Variants in CKLF observed in about 807,000 individuals in gnomAD.
The protein encoded by CKLF is chemokine-like factor.
Under a neutral mutation model 12.9 loss-of-function variants are expected in CKLF, and 16 were observed. The observed-to-expected ratio is 1.24, with a 90% CI of 0.84 to 1.88. CKLF has a LOEUF of 1.88. CKLF is among the 40% of genes most tolerant of loss of function. The pLI is 0.00. For synonymous variants in CKLF, 61 were observed against 69.0 expected, an observed-to-expected ratio of 0.88 and a Z score of 0.57; for missense variants, 172 against 188.5, an observed-to-expected ratio of 0.91 and a Z score of 0.51.
rs1299840271 is a variant in CKLF, at chr16:66,563,109, T to A, written c.238-13T>A. 1 of 1,613,886 alleles carries A rather than the reference T, an allele frequency of 6.2e-7. No individual in the cohort carries two copies. Among genetic ancestry groups the A allele is most frequent in the Non-Finnish European group, 8.5e-7 (1 of 1,179,946 alleles). ...GTCTTCATGTAAGGCTCAGCTTTAT[T>A]GTGTGTTTTTAGGATATTATCAACT... On this transcript the variant is annotated splice_polypyrimidine_tract_variant and intron_variant, in intron 2 of 3. Transcript: ENST00000264001.
chr16:66,557,632 T>C (rs377120702), intron 1 of CKLF, among the ~76,000 whole-genome samples: 9 of 152,194 alleles, frequency 5.9e-5, no homozygotes, highest in East Asian at 1.9e-4. Context: ...ATAACAACAG[T>C]AGAAAACAGA....
At chr16:66,563,333 C>CCTAGG in intron 3 of CKLF, 116 bp downstream of exon 3, 1 of 1,178,310 alleles carries the variant, frequency 8.5e-7, no homozygotes, top group Non-Finnish European at 1.2e-6. Context: ...ATTCCTAGGC[C>CCTAGG]AATATACAAT....
Position 66,558,195 on chromosome 16 carries a change from AACTGT to A in CKLF, c.85_89del (p.Thr29AspfsTer13), listed in dbSNP as rs2011522625. 1 of 1,610,698 alleles carries A rather than the reference AACTGT, an allele frequency of 6.2e-7. No individual in the cohort carries two copies. The highest frequency in any genetic ancestry group is 8.5e-7 in the Non-Finnish European group (1 of 1,179,386). On this transcript the variant is annotated frameshift_variant, in exon 2 of 4. Coordinates refer to ENST00000264001, the MANE Select transcript of CKLF (RefSeq NM_016951.4). LOFTEE classifies it high-confidence loss of function. Reference sequence around the variant, plus strand: ...CGTGGGTTTTTTTCTTCTAGGCACTAACTGTGACATCTATGACCTTTTTTATCATC... The same window carrying A: ...CGTGGGTTTTTTTCTTCTAGGCACTAGACATCTATGACCTTTTTTATCATC...
chr16:66,558,090 G>A (rs1567549645), intron 1 of CKLF, 100 bp from the exon 2 acceptor site: 1 of 1,537,508 alleles, frequency 6.5e-7, no homozygotes, highest in South Asian at 1.2e-5. Flanking sequence ...TTATAGGCAT[G>A]ACCCACTGTG....
At chr16:66,560,070 A>T (rs1829702690) in intron 2 of CKLF, among the ~76,000 whole-genome samples, 1 of 152,176 alleles carries the variant, frequency 6.6e-6, no homozygotes, top group African/African-American at 2.4e-5. Context: ...GGACCAAGTC[A>T]CAGTAGGCTG....
chr16:66,558,796 TA>T (rs1205722513), intron 2 of CKLF, among the ~76,000 whole-genome samples: 1 of 152,188 alleles, frequency 6.6e-6, no homozygotes, highest in Admixed American at 6.5e-5. Context: ...TTGGGGAGGC[TA>T]AAGTACAATG....
Position 66,554,143 on chromosome 16 carries a change from A to G in CKLF, c.78+1350A>G, listed in dbSNP as rs551269389. Among the ~76,000 whole-genome samples, 6 of 152,340 alleles carry G rather than the reference A, an allele frequency of 3.9e-5. No individual in the cohort carries two copies. In the South Asian group the frequency reaches 1.2e-3, roughly 32 times the overall value. ...AATTCTCTCAACAAACCATTTGAAT[A>G]CTTAATATGGTCCAAACTCTGGGCT... is the stretch of plus-strand genomic sequence containing the variant. On this transcript the variant is annotated intron_variant, in intron 1 of 3. Coordinates refer to ENST00000264001, the MANE Select transcript of CKLF (RefSeq NM_016951.4).
chr16:66,560,692 G>C (rs1383543419), intron 2 of CKLF, among the ~76,000 whole-genome samples: 1 of 151,840 alleles, frequency 6.6e-6, no homozygotes, highest in Non-Finnish European at 1.5e-5. Flanking sequence ...GAGATGAGGA[G>C]TGGCCAGAAA....
intron 2 of CKLF, 108 bp downstream of exon 2, chr16:66,558,456 G>A (rs2011536543): frequency 6.9e-7 from 1 of 1,447,948 alleles, no homozygotes; most frequent in South Asian, 1.4e-5. Flanking sequence ...ATCTCTGTTA[G>A]GCTTAGGAAG....
In CKLF at chr16:66,552,588, A is replaced by G; in HGVS notation, c.-128A>G. On this transcript the variant is annotated 5_prime_UTR_variant, in exon 1 of 4. Coordinates refer to ENST00000264001, the MANE Select transcript of CKLF (RefSeq NM_016951.4). ...ATGCGCGCAAGAGAGCGGGAAGCCGAGCTGGGCGAGAAGTAGGGGAGGGCG... is the reference window on the plus strand; with the variant it reads ...ATGCGCGCAAGAGAGCGGGAAGCCGGGCTGGGCGAGAAGTAGGGGAGGGCG... The G allele has an allele frequency of 6.9e-7, 1 of 1,454,214 alleles. No homozygotes were observed. The highest frequency in any genetic ancestry group is 1.2e-5 in the South Asian group (1 of 81,318). 90.1% of individuals were successfully genotyped at this position (1,454,214 alleles called of 1,614,324 possible).
intron 1 of CKLF, among the ~76,000 whole-genome samples, chr16:66,557,556 A>C (rs1017067903): frequency 6.6e-6 from 1 of 152,252 alleles, no homozygotes; most frequent in Non-Finnish European, 1.5e-5. Flanking sequence ...ATTGTTAAGA[A>C]TTAAGGAGTG....
chr16:66,558,677 C>G (rs1302167049), intron 2 of CKLF: 2 of 210,882 alleles, frequency 9.5e-6, no homozygotes, highest in Non-Finnish European at 1.9e-5. Context: ...TCTTTATTAC[C>G]TATTTGGATG....
chr16:66,554,964 C>T (rs1209264986), intron 1 of CKLF, among the ~76,000 whole-genome samples: 2 of 152,038 alleles, frequency 1.3e-5, no homozygotes, highest in African/African-American at 4.8e-5. Context: ...AGGCCAGGCC[C>T]GGTGGCTCAC....
At chr16:66,563,304 T>C in intron 3 of CKLF, 87 bp downstream of exon 3, 1 of 1,488,828 alleles carries the variant, frequency 6.7e-7, no homozygotes, top group South Asian at 1.2e-5. Context: ...TAGAAAGCTA[T>C]ACTATATTCA....
chr16:66,558,809 T>C (rs1379322886), intron 2 of CKLF, among the ~76,000 whole-genome samples: 1 of 152,220 alleles, frequency 6.6e-6, no homozygotes, highest in African/African-American at 2.4e-5. Flanking sequence ...AGTACAATGT[T>C]ATCTCACTTG....
At chr16:66,555,078 AC>A (rs905700787) in intron 1 of CKLF, among the ~76,000 whole-genome samples, 1 of 152,140 alleles carries the variant, frequency 6.6e-6, no homozygotes, top group African/African-American at 2.4e-5. Flanking sequence ...TACTAAAAAT[AC>A]AAAAAAAATT....
intron 2 of CKLF, among the ~76,000 whole-genome samples, chr16:66,560,232 G>T (rs948496844): frequency 2.0e-5 from 3 of 152,208 alleles, no homozygotes; most frequent in African/African-American, 7.2e-5. Flanking sequence ...GGACCTGCAG[G>T]TGTATCTGAA....
At chr16:66,555,130 G>A (rs1163001841) in intron 1 of CKLF, among the ~76,000 whole-genome samples, 2 of 152,044 alleles carry the variant, frequency 1.3e-5, no homozygotes, top group South Asian at 2.1e-4. Context: ...TCAGCTACTC[G>A]GGAGGCTGAG....
rs779948404 is a variant in CKLF at position 66,552,667 on chromosome 16, C to T, written c.-49C>T. ...GCTTCGCAGAACCTACTCAGGCAGC[C>T]AGCTGAGAAGAGTTGAGGGAAAGTG... On this transcript the variant is annotated 5_prime_UTR_variant, in exon 1 of 4. Coordinates refer to ENST00000264001, the MANE Select transcript of CKLF (RefSeq NM_016951.4). The T allele has an allele frequency of 4.3e-6, 7 of 1,613,190 alleles. No individual in the cohort carries two copies. The East Asian group carries it at 1.3e-4, about 31-fold the overall frequency.
Sources: allele counts gnomAD v4.1 joint callset (sites outside exome capture counted in the v4.1 genomes callset), GRCh38; gene constraint gnomAD v4.1.1; transcripts MANE v1.5; gene names NCBI Gene and HGNC (gene_info 2026-07-23, HGNC 2026-07-21).